The following NAA16 variants were observed in gnomAD, a reference collection of about 807,000 sequenced individuals.
NAA16 encodes N-alpha-acetyltransferase 16, NatA auxiliary subunit, also known as NARG1-like protein.
NAA16 carries 97 observed loss-of-function variants against 110.3 expected under a neutral mutation model. The observed-to-expected ratio is 0.88, with a 90% confidence interval of 0.75 to 1.04. NAA16 has a LOEUF of 1.04. Ranked by LOEUF, NAA16 falls within the 50% of genes least tolerant of loss-of-function variation. The probability of loss-of-function intolerance (pLI) is 0.00; values close to 1 mark genes in which losing one functional copy is unlikely to be tolerated. For missense variants in NAA16, 1,017 were observed against 1,005.1 expected (o/e 1.01, Z -0.16); for synonymous variants, 372 against 330.6 (o/e 1.13, Z -1.36).
chr13:41,365,521 G>A (rs1394947190), intron 13 of NAA16, among the ~76,000 whole-genome samples: 1 of 152,114 alleles, frequency 6.6e-6, no homozygotes, highest in Non-Finnish European at 1.5e-5. Context: ...TTTTCCAAAA[G>A]CAAATATTAC....
chr13:41,359,555 TTGGAAAA>T (rs1434390159), intron 12 of NAA16, among the ~76,000 whole-genome samples: 2 of 152,142 alleles, frequency 1.3e-5, no homozygotes, highest in Non-Finnish European at 2.9e-5. Flanking sequence ...TCACACATAT[TTGGAAAA>T]TGGGATATAC....
rs925248532 is a variant in NAA16, at chr13:41,375,316, T to C, written c.2398-89T>C. 3.3e-6 allele frequency: 3 copies of C among 896,752 alleles called. No homozygotes were observed. In the African/African-American group the frequency reaches 5.0e-5, roughly 15 times the overall value. 55.5% of individuals were successfully genotyped at this position (896,752 alleles called of 1,614,324 possible). On this transcript the variant is annotated intron_variant, in intron 19 of 19. Coordinates refer to ENST00000379406, the MANE Select transcript of NAA16 (RefSeq NM_024561.5). ...TTTTAGACTGAGGCAGCTTTCTCAATTTAACACATTGCATCTTTTGATTAA... is the reference window on the plus strand; with the variant it reads ...TTTTAGACTGAGGCAGCTTTCTCAACTTAACACATTGCATCTTTTGATTAA...
chr13:41,332,234 T>C (rs1477816311), intron 8 of NAA16, among the ~76,000 whole-genome samples: 1 of 152,086 alleles, frequency 6.6e-6, no homozygotes, highest in Non-Finnish European at 1.5e-5. Flanking sequence ...TTGCACCCAC[T>C]ATGGTGTTTT....
intron 8 of NAA16, among the ~76,000 whole-genome samples, chr13:41,334,130 A>G (rs1274504029): frequency 6.6e-6 from 1 of 152,156 alleles, no homozygotes; most frequent in African/African-American, 2.4e-5. Flanking sequence ...TTTATGTGCA[A>G]TTAGAAAGCC....
At chr13:41,370,309 AG>A (rs1448903125) in intron 15 of NAA16, among the ~76,000 whole-genome samples, 2 of 152,204 alleles carry the variant, frequency 1.3e-5, no homozygotes, top group Non-Finnish European at 1.5e-5. Context: ...TGAGGAGAAG[AG>A]GTATCTGCCT....
At chr13:41,360,988 G>T (rs545101286) in intron 12 of NAA16, among the ~76,000 whole-genome samples, 2 of 152,092 alleles carry the variant, frequency 1.3e-5, no homozygotes, top group Non-Finnish European at 2.9e-5. Context: ...GTTTTTAGAC[G>T]TTTAATGTGT....
chr13:41,367,393 T>G lies in NAA16; in HGVS notation c.1540-46T>G, dbSNP rs200370485. ...ATTTTTTTTTTCTAAAGGTAGACAT[T>G]ATTGACATAAATGTAAAGGTTAATT... is the stretch of plus-strand genomic sequence containing the variant. On this transcript the variant is annotated intron_variant, in intron 13 of 19. Transcript: ENST00000379406. The G allele has an allele frequency of 4.8e-5, 66 of 1,365,798 alleles. No individual in the cohort carries two copies. In the African/African-American group the frequency reaches 8.4e-4, roughly 17 times the overall value. The allele number at this position is 1,365,798 out of a possible 1,614,324, so 84.6% of individuals were successfully genotyped here.
chr13:41,367,505 C>CG lies in NAA16; in HGVS notation c.1607dup (p.Ala537CysfsTer4). ...ATACTGCATGAGAAAGATGACCCTT[C>CG]GTGCCTATGTTGACCTTTTGAGATT... On this transcript the variant is annotated frameshift_variant, in exon 14 of 20. Coordinates refer to ENST00000379406, the MANE Select transcript of NAA16 (RefSeq NM_024561.5). LOFTEE classifies it high-confidence loss of function. 6.2e-7 allele frequency: 1 copy of CG among 1,613,190 alleles called. No individual in the cohort carries two copies. Among genetic ancestry groups the CG allele is most frequent in the Non-Finnish European group, 8.5e-7 (1 of 1,179,554 alleles).
intron 13 of NAA16, among the ~76,000 whole-genome samples, chr13:41,365,249 C>G (rs1032526561): frequency 3.0e-4 from 45 of 152,058 alleles, no homozygotes; most frequent in African/African-American, 1.1e-3. Flanking sequence ...TGGAGTAGTT[C>G]TGTGTTTCTT....
At chr13:41,359,214 TAA>T (rs962015684) in intron 12 of NAA16, among the ~76,000 whole-genome samples, 2 of 152,208 alleles carry the variant, frequency 1.3e-5, no homozygotes, top group African/African-American at 4.8e-5. Flanking sequence ...GGTACATATA[TAA>T]AGAGTATGCT....
intron 8 of NAA16, among the ~76,000 whole-genome samples, chr13:41,333,690 A>G (rs11620416): frequency 0.093 from 14,171 of 152,104 alleles, 784 homozygotes; most frequent in East Asian, 0.23. Context: ...GATTACGAAC[A>G]AGACTTCTTT....
chr13:41,372,910 T>C (rs1017706138), intron 17 of NAA16, 80 bp downstream of exon 17: 11 of 1,297,806 alleles, frequency 8.5e-6, no homozygotes, highest in Non-Finnish European at 1.1e-5. Flanking sequence ...GTTGATCTGA[T>C]AAATATTTAA....
At chr13:41,358,722 C>A in intron 11 of NAA16, 88 bp from the exon 12 acceptor site, 1 of 1,478,926 alleles carries the variant, frequency 6.8e-7, no homozygotes, top group South Asian at 1.5e-5. Flanking sequence ...TGACAGATTT[C>A]TTTTTTGTCT....
At chr13:41,374,667 G>C in intron 18 of NAA16, 75 bp from the exon 19 acceptor site, 1 of 982,038 alleles carries the variant, frequency 1.0e-6, no homozygotes, top group Non-Finnish European at 1.6e-6. Context: ...CATATTTGAA[G>C]TCACTGGCCA....
chr13:41,374,874 A>G, intron 19 of NAA16, 35 bp downstream of exon 19: 2 of 1,282,856 alleles, frequency 1.6e-6, no homozygotes, highest in Non-Finnish European at 2.2e-6. Context: ...TTATGCTTAC[A>G]CAGTGATCTA....
At position 41,311,456 on chromosome 13, in the gene NAA16, G is replaced by A. The variant is rs1011791785; in HGVS notation, c.-73G>A. 7.0e-5 allele frequency: 101 copies of A among 1,449,324 alleles called. No individual in the cohort carries two copies. The highest frequency in any genetic ancestry group is 6.9e-4 in the Middle Eastern group (4 of 5,802). 89.8% of individuals were successfully genotyped at this position (1,449,324 alleles called of 1,614,324 possible). ...ACTCTCAGCAGCGGTTCGTCCCGGT[G>A]CCCACCCCCGCGAAGCGGAGCGCCC... On this transcript the variant is annotated 5_prime_UTR_variant, in exon 1 of 20. Coordinates refer to ENST00000379406, the MANE Select transcript of NAA16 (RefSeq NM_024561.5).
Position 41,368,291 on chromosome 13 carries a change from A to G in NAA16, c.1753+639A>G, listed in dbSNP as rs78250806. ...TAGCATGAAATGAGCCTAGGTAACT[A>G]TCTCAGATATTCCTAGGTAGCTGTT... is the stretch of plus-strand genomic sequence containing the variant. On this transcript the variant is annotated intron_variant, in intron 14 of 19. Transcript: ENST00000379406. Among the ~76,000 whole-genome samples, 435 of 152,324 alleles carry G rather than the reference A, an allele frequency of 2.9e-3. 2 individuals carry two copies. Among genetic ancestry groups the G allele is most frequent in the African/African-American group, 9.9e-3 (413 of 41,572 alleles).
In NAA16 at chr13:41,362,052, A is replaced by G. The variant is rs1227499271; in HGVS notation, c.1432A>G (p.Asn478Asp). The G allele has an allele frequency of 6.2e-7, 1 of 1,611,822 alleles. No individual in the cohort carries two copies. Among genetic ancestry groups the G allele is most frequent in the Non-Finnish European group, 8.5e-7 (1 of 1,179,132 alleles). The change falls in exon 13 of 20, where the codon AAT becomes GAT. Residue 478 changes from asparagine (N) to aspartate (D), a missense_variant. Transcript: ENST00000379406. Reference protein sequence around the residue: ...FTREGTSAMENLNEMQCMWFQ... With the variant: ...FTREGTSAMEDLNEMQCMWFQ... ...TCAGGAAGGAACATCTGCCATGGAA[A>G]ATCTAAATGAAATGCAGTGTATGTG...
intron 14 of NAA16, 120 bp downstream of exon 14, chr13:41,367,772 G>A (rs2043236730): frequency 3.1e-6 from 2 of 653,790 alleles, no homozygotes; most frequent in South Asian, 3.1e-5. Flanking sequence ...ACAAACATTA[G>A]ATAACTCATA....
Sources: gnomAD v4.1 joint callset for allele counts (sites outside exome capture counted in the v4.1 genomes callset) on GRCh38, gnomAD v4.1.1 for gene constraint, MANE v1.5 for transcripts, NCBI Gene and HGNC (gene_info 2026-07-23, HGNC 2026-07-21) for gene names.